Variants in RNF115 observed in about 807,000 individuals in gnomAD.
The protein encoded by RNF115 is E3 ubiquitin-protein ligase RNF115.
RNF115 carries 31 observed loss-of-function variants against 39.2 expected under a neutral mutation model. The ratio of observed to expected loss-of-function variants is 0.79; its 90% CI spans 0.59 to 1.07. The LOEUF (loss-of-function observed/expected upper bound fraction) is 1.07. Ranked by LOEUF, RNF115 falls within the 50% of genes least tolerant of loss-of-function variation. The pLI, the probability that RNF115 is intolerant of heterozygous loss-of-function variation, is 0.00. For synonymous variants in RNF115, 124 were observed against 131.0 expected, an observed-to-expected ratio of 0.95 and a Z score of 0.37; for missense variants, 384 against 381.7, an observed-to-expected ratio of 1.01 and a Z score of -0.05.
intron 1 of RNF115, among the ~76,000 whole-genome samples, chr1:145,794,703 T>A (rs1648863110): frequency 6.6e-6 from 1 of 151,286 alleles, no homozygotes; most frequent in Non-Finnish European, 1.5e-5. Context: ...ACCCTCCCGG[T>A]GAGTGTTACA....
chr1:145,788,476 A>G (rs1648491239), intron 2 of RNF115, among the ~76,000 whole-genome samples: 1 of 152,228 alleles, frequency 6.6e-6, no homozygotes, highest in Admixed American at 6.5e-5. Flanking sequence ...CTGATTAGGT[A>G]TCTTTGTCAG....
At chr1:145,774,762 ATGTCT>A (rs1241831109) in intron 3 of RNF115, among the ~76,000 whole-genome samples, 1 of 151,980 alleles carries the variant, frequency 6.6e-6, no homozygotes, top group African/African-American at 2.4e-5. Flanking sequence ...TTTCTCTTTT[ATGTCT>A]TATCTTGTTT....
At chr1:145,767,993 G>T (rs12728500) in intron 4 of RNF115, among the ~76,000 whole-genome samples, 42,384 of 150,782 alleles carry the variant, frequency 0.28, 7,020 homozygotes, top group Non-Finnish European at 0.37. Flanking sequence ...GGGAGACCGT[G>T]GGGAGAGGGA....
intron 5 of RNF115, 26 bp from the exon 6 acceptor site, chr1:145,751,536 A>G (rs782174630): frequency 6.5e-7 from 1 of 1,543,322 alleles, no homozygotes; most frequent in Non-Finnish European, 8.9e-7. Context: ...GATAGACAGC[A>G]TTAGATGGAG....
chr1:145,766,977 T>C (rs1647336819), intron 4 of RNF115, among the ~76,000 whole-genome samples: 2 of 134,108 alleles, frequency 1.5e-5, no homozygotes, highest in African/African-American at 3.0e-5. Flanking sequence ...TCGGGGTGGC[T>C]GGCCGGGCAG....
chr1:145,795,337 T>C (rs1220821265), intron 1 of RNF115, among the ~76,000 whole-genome samples: 1 of 152,058 alleles, frequency 6.6e-6, no homozygotes, highest in African/African-American at 2.4e-5. Flanking sequence ...GAACAAAGCT[T>C]CCACAACGCG....
intron 4 of RNF115, among the ~76,000 whole-genome samples, chr1:145,756,898 G>A (rs1658320347): frequency 7.1e-6 from 1 of 141,188 alleles, no homozygotes; most frequent in Admixed American, 7.4e-5. Flanking sequence ...GTGCAGTGGT[G>A]CGATCTCAGC....
At chr1:145,805,497 C>G (rs1345029082) in intron 1 of RNF115, among the ~76,000 whole-genome samples, 1 of 151,778 alleles carries the variant, frequency 6.6e-6, no homozygotes, top group South Asian at 2.1e-4. Context: ...ACATTACCAG[C>G]ATTATTGCTT....
At chr1:145,783,203 G>T (rs2040086) in intron 3 of RNF115, among the ~76,000 whole-genome samples, 43,229 of 152,064 alleles carry the variant, frequency 0.28, 7,162 homozygotes, top group Non-Finnish European at 0.37. Flanking sequence ...CCATTAAAAT[G>T]GGAAAATAAA....
chr1:145,769,736 C>G (rs1172473250), intron 4 of RNF115, among the ~76,000 whole-genome samples: 1 of 131,258 alleles, frequency 7.6e-6, no homozygotes, highest in Admixed American at 8.4e-5. Context: ...GACTCATCCT[C>G]TTTTGAATAA....
At chr1:145,781,232 G>A (rs1216390072) in intron 3 of RNF115, among the ~76,000 whole-genome samples, 1 of 152,082 alleles carries the variant, frequency 6.6e-6, no homozygotes, top group Non-Finnish European at 1.5e-5. Flanking sequence ...AGTATTTTAA[G>A]AATTCAGCTA....
rs1380462539 is a variant in RNF115, at chr1:145,821,418, G to C, written c.102+2354C>G. Among the ~76,000 whole-genome samples the C allele has an allele frequency of 4.7e-4, 56 of 118,026 alleles. 9 individuals are homozygous for C. The Admixed American group carries it at 5.1e-3, about 11-fold the overall frequency. 77.4% of individuals were successfully genotyped at this position (118,026 alleles called of 152,430 possible). On this transcript the variant is annotated intron_variant, in intron 1 of 8. Coordinates refer to ENST00000582693, the MANE Select transcript of RNF115 (RefSeq NM_014455.4). ...TAAGGACTTAAAGGTGAGAAGAAAA[G>C]ATATAATCAATTGGGGAAGTTTAGA...
chr1:145,811,953 A>G (rs1335317648), intron 1 of RNF115, among the ~76,000 whole-genome samples: 1 of 137,128 alleles, frequency 7.3e-6, no homozygotes. Flanking sequence ...ACATATATGT[A>G]GAAAAGCTGT....
At chr1:145,790,163 G>A (rs781797731) in intron 1 of RNF115, among the ~76,000 whole-genome samples, 77 of 151,988 alleles carry the variant, frequency 5.1e-4, no homozygotes, top group Non-Finnish European at 9.7e-4. Flanking sequence ...ATTTAGAGAC[G>A]GAGTTTCACT....
chr1:145,751,388 T>C (rs782701980), intron 6 of RNF115, 50 bp downstream of exon 6: 21 of 1,281,474 alleles, frequency 1.6e-5, no homozygotes, highest in East Asian at 2.5e-5. Context: ...AGGAAGCCTG[T>C]GGAACCATGA....
chr1:145,760,744 G>A (rs1553713720), intron 4 of RNF115, among the ~76,000 whole-genome samples: 1 of 152,148 alleles, frequency 6.6e-6, no homozygotes, highest in Admixed American at 6.5e-5. Context: ...GTAAATTGGT[G>A]CCAGGAGTGG....
chr1:145,802,250 C>CT (rs1341653357), intron 1 of RNF115, among the ~76,000 whole-genome samples: 1 of 152,178 alleles, frequency 6.6e-6, no homozygotes, highest in Non-Finnish European at 1.5e-5. Flanking sequence ...TGAAGATACT[C>CT]AGTGGCAGGT....
In RNF115 at chr1:145,744,419, A is replaced by T. The variant is rs1371048529; in HGVS notation, c.*2447T>A. 1 of 152,256 alleles carries T rather than the reference A, an allele frequency of 6.6e-6. No homozygotes were observed. Among genetic ancestry groups the T allele is most frequent in the African/African-American group, 2.4e-5 (1 of 41,436 alleles). 9.4% of individuals were successfully genotyped at this position (152,256 alleles called of 1,614,324 possible). On this transcript the variant is annotated 3_prime_UTR_variant, in exon 9 of 9. Transcript: ENST00000582693. ...CTCATTCCCCAAATAAACAATCACT[A>T]CAGAGGTGTAATATGGGAGGTATAT... is the stretch of plus-strand genomic sequence containing the variant.
chr1:145,750,321 C>T (rs906961910), intron 7 of RNF115, 86 bp downstream of exon 7: 2 of 1,064,100 alleles, frequency 1.9e-6, no homozygotes, highest in East Asian at 2.5e-5. Flanking sequence ...ATTTTGTTCA[C>T]TTTTTAAACT....
Sources: gnomAD v4.1 joint callset for allele counts (sites outside exome capture counted in the v4.1 genomes callset) on GRCh38, gnomAD v4.1.1 for gene constraint, MANE v1.5 for transcripts, NCBI Gene and HGNC (gene_info 2026-07-23, HGNC 2026-07-21) for gene names.